Variants in MPPED2 observed in about 807,000 individuals in gnomAD.
MPPED2 encodes metallophosphoesterase domain containing 2, also known as metallophosphoesterase MPPED2.
In MPPED2, 5 loss-of-function variants were observed where a neutral mutation model predicts 33.0. The observed-to-expected ratio is 0.15, with a 90% CI of 0.08 to 0.32. The LOEUF (loss-of-function observed/expected upper bound fraction) is 0.32, where lower values mean the gene tolerates loss of function less well. Among genes scored for constraint, MPPED2 ranks in the 10% least tolerant of loss-of-function variants. The pLI is 1.00. For missense variants in MPPED2, 275 were observed against 372.1 expected, an observed-to-expected ratio of 0.74 and a Z score of 2.15; for synonymous variants, 136 against 141.9, an observed-to-expected ratio of 0.96 and a Z score of 0.29.
At chr11:30,398,261 A>G (rs1258372512) in intron 6 of MPPED2, among the ~76,000 whole-genome samples, 3 of 152,136 alleles carry the variant, frequency 2.0e-5, no homozygotes, top group Non-Finnish European at 2.9e-5. Context: ...TGTGGATAAG[A>G]ATAATGAATA....
At chr11:30,408,437 G>A (rs994443847), downstream of MPPED2, among the ~76,000 whole-genome samples, 13 of 152,150 alleles carry the variant, frequency 8.5e-5, no homozygotes, top group African/African-American at 2.9e-4. Flanking sequence ...TCAGCCTTAG[G>A]AGTAGCTGGG....
At chr11:30,472,164 G>A (rs1164674276) in intron 4 of MPPED2, among the ~76,000 whole-genome samples, 2 of 152,122 alleles carry the variant, frequency 1.3e-5, no homozygotes, top group African/African-American at 4.8e-5. Flanking sequence ...AACAATTTGA[G>A]ACCAGCCTGG....
At chr11:30,447,828 T>C (rs1485620041) in intron 4 of MPPED2, among the ~76,000 whole-genome samples, 1 of 152,138 alleles carries the variant, frequency 6.6e-6, no homozygotes, top group Admixed American at 6.5e-5. Context: ...GTCCCTGCCC[T>C]AGGTGCTGGA....
chr11:30,522,842 T>C (rs1478159246), intron 3 of MPPED2, among the ~76,000 whole-genome samples: 1 of 152,252 alleles, frequency 6.6e-6, no homozygotes, highest in Non-Finnish European at 1.5e-5. Context: ...ATTTGCATCA[T>C]AATATTTTCA....
chr11:30,448,161 A>G (rs1340624883), intron 4 of MPPED2, among the ~76,000 whole-genome samples: 1 of 152,098 alleles, frequency 6.6e-6, no homozygotes, highest in African/African-American at 2.4e-5. Context: ...CAAGGGCATC[A>G]TTTTCCTAAG....
At chr11:30,495,592 G>A (rs1254908589) in intron 3 of MPPED2, 71 bp from the exon 4 acceptor site, 3 of 1,125,152 alleles carry the variant, frequency 2.7e-6, no homozygotes, top group African/African-American at 3.1e-5. Flanking sequence ...CCGAGACTGT[G>A]TGATTAGCAG....
At chr11:30,491,180 C>T (rs1951966472) in intron 4 of MPPED2, among the ~76,000 whole-genome samples, 1 of 152,194 alleles carries the variant, frequency 6.6e-6, no homozygotes, top group African/African-American at 2.4e-5. Flanking sequence ...GGTATAAGTT[C>T]TCCCAAACGT....
intron 2 of MPPED2, among the ~76,000 whole-genome samples, chr11:30,567,435 TA>T (rs1956494059): frequency 6.6e-6 from 1 of 152,148 alleles, no homozygotes; most frequent in African/African-American, 2.4e-5. Context: ...TAATGTCTCC[TA>T]AAAAATCCAA....
chr11:30,523,178 T>C (rs1280955518), intron 3 of MPPED2, among the ~76,000 whole-genome samples: 1 of 152,032 alleles, frequency 6.6e-6, no homozygotes, highest in Non-Finnish European at 1.5e-5. Context: ...CAAGAATTAG[T>C]GAGTCCAGTG....
At chr11:30,487,151 G>T (rs1276726924) in intron 4 of MPPED2, among the ~76,000 whole-genome samples, 1 of 152,162 alleles carries the variant, frequency 6.6e-6, no homozygotes, top group African/African-American at 2.4e-5. Context: ...TCCACCAGCA[G>T]CAACTCTGGA....
intron 4 of MPPED2, chr11:30,429,232 T>C (rs543059102): frequency 1.3e-5 from 2 of 152,198 alleles, no homozygotes; most frequent in Non-Finnish European, 2.9e-5. Context: ...GGCCTATATG[T>C]GTGAGTTGCA....
intron 3 of MPPED2, among the ~76,000 whole-genome samples, chr11:30,534,966 C>T (rs764479706): frequency 6.6e-6 from 1 of 152,098 alleles, no homozygotes; most frequent in African/African-American, 2.4e-5. Context: ...TAAATGAAAA[C>T]AGCCAAAAGT....
downstream of MPPED2, among the ~76,000 whole-genome samples, chr11:30,406,853 G>A (rs1484554236): frequency 6.6e-6 from 1 of 152,222 alleles, no homozygotes; most frequent in Admixed American, 6.5e-5. Flanking sequence ...CTTAAAAGTA[G>A]ATCTTAATTC....
At chr11:30,418,326 TC>T (rs1324490317) in intron 4 of MPPED2, among the ~76,000 whole-genome samples, 10 of 152,220 alleles carry the variant, frequency 6.6e-5, no homozygotes, top group African/African-American at 1.9e-4. Flanking sequence ...TGAGCCTTTT[TC>T]CATCCCAGGA....
At chr11:30,403,173 G>A (rs1183377518) in intron 6 of MPPED2, among the ~76,000 whole-genome samples, 2 of 152,084 alleles carry the variant, frequency 1.3e-5, no homozygotes, top group African/African-American at 4.8e-5. Flanking sequence ...CGTGAACCCG[G>A]GAGGCGGAGC....
chr11:30,393,892 A>C (rs1292249098), intron 6 of MPPED2, among the ~76,000 whole-genome samples: 1 of 152,170 alleles, frequency 6.6e-6, no homozygotes, highest in East Asian at 1.9e-4. Context: ...CACAATCGGG[A>C]TACAAAACAA....
At chr11:30,449,343 A>C (rs1034200473) in intron 4 of MPPED2, among the ~76,000 whole-genome samples, 1 of 152,202 alleles carries the variant, frequency 6.6e-6, no homozygotes, top group African/African-American at 2.4e-5. Context: ...TTGAGCTGAA[A>C]GCAACGGAGA....
intron 4 of MPPED2, among the ~76,000 whole-genome samples, chr11:30,448,657 A>G (rs182255864): frequency 2.6e-5 from 4 of 152,232 alleles, no homozygotes; most frequent in Non-Finnish European, 5.9e-5. Context: ...GCCTTTCTTG[A>G]AATCTCAGAG....
intron 4 of MPPED2, among the ~76,000 whole-genome samples, chr11:30,483,514 C>T (rs1951585346): frequency 6.6e-6 from 1 of 152,144 alleles, no homozygotes; most frequent in South Asian, 2.1e-4. Context: ...GGGAGAGAGA[C>T]TTCTGCCAAT....
Sources: allele counts gnomAD v4.1 joint callset (sites outside exome capture counted in the v4.1 genomes callset), GRCh38; gene constraint gnomAD v4.1.1; transcripts MANE v1.5; gene names NCBI Gene and HGNC (gene_info 2026-07-23, HGNC 2026-07-21).